FAT3: variants seen among roughly 807,000 people sequenced by gnomAD.
The protein encoded by FAT3 is FAT atypical cadherin 3.
In FAT3, 95 loss-of-function variants were observed where a neutral mutation model predicts 310.2. The observed-to-expected ratio is 0.31, with a 90% CI of 0.26 to 0.36. FAT3 has a LOEUF of 0.36. Among genes scored for constraint, FAT3 ranks in the 10% least tolerant of loss-of-function variants. The pLI is 1.00. For synonymous variants in FAT3, 2,314 were observed against 2,192.9 expected (o/e 1.06, Z -1.54); for missense variants, 5,408 against 5,715.6 (o/e 0.95, Z 1.74).
chr11:92,751,323 T>C (rs1232435438), intron 4 of FAT3, among the ~76,000 whole-genome samples: 1 of 152,112 alleles, frequency 6.6e-6, no homozygotes, highest in Non-Finnish European at 1.5e-5. Flanking sequence ...ATCCATGAGT[T>C]AATATTTGTT....
At chr11:92,409,242 T>TTCGTGTGTGTGTGTGTG (rs886647302) in intron 2 of FAT3, among the ~76,000 whole-genome samples, 3 of 150,996 alleles carry the variant, frequency 2.0e-5, no homozygotes, top group East Asian at 3.9e-4. Flanking sequence ...CAATGAAGCT[T>TTCGTGTGTGTGTGTGTG]TCGTGTGTGT....
chr11:92,338,977 AT>A (rs1337134777), intron 1 of FAT3, among the ~76,000 whole-genome samples: 2 of 152,322 alleles, frequency 1.3e-5, no homozygotes, highest in African/African-American at 4.8e-5. Context: ...CTGACCTTGC[AT>A]GGAACATGAT....
At chr11:92,829,602 A>T (rs905987346) in intron 13 of FAT3, among the ~76,000 whole-genome samples, 2 of 152,134 alleles carry the variant, frequency 1.3e-5, no homozygotes, top group African/African-American at 4.8e-5. Context: ...GAAGAATTTA[A>T]TCTTGCAGCC....
intron 1 of FAT3, among the ~76,000 whole-genome samples, chr11:92,343,577 C>T (rs1345557766): frequency 6.6e-6 from 1 of 152,084 alleles, no homozygotes; most frequent in East Asian, 1.9e-4. Context: ...GATTATTCAA[C>T]CTTGAGAAGA....
At chr11:92,755,037 G>A (rs1210166070) in intron 4 of FAT3, among the ~76,000 whole-genome samples, 1 of 152,148 alleles carries the variant, frequency 6.6e-6, no homozygotes, top group Non-Finnish European at 1.5e-5. Context: ...GAATAGAATA[G>A]TGGTTACTAG....
intron 1 of FAT3, among the ~76,000 whole-genome samples, chr11:92,280,861 C>T (rs1278420355): frequency 6.6e-6 from 1 of 152,148 alleles, no homozygotes; most frequent in Non-Finnish European, 1.5e-5. Context: ...TTTCTTGTGT[C>T]AACCCTGTTC....
intron 1 of FAT3, among the ~76,000 whole-genome samples, chr11:92,290,155 T>C (rs948046114): frequency 1.3e-5 from 2 of 152,126 alleles, no homozygotes; most frequent in African/African-American, 4.8e-5. Flanking sequence ...CCTTTCTCAA[T>C]GGGGCCTTAT....
chr11:92,443,564 C>T (rs573176384), intron 2 of FAT3, among the ~76,000 whole-genome samples: 10 of 152,232 alleles, frequency 6.6e-5, no homozygotes, highest in African/African-American at 2.4e-4. Flanking sequence ...TGAGAATTGT[C>T]CAGTTAATTT....
intron 3 of FAT3, among the ~76,000 whole-genome samples, chr11:92,621,618 C>T (rs1201015563): frequency 6.6e-6 from 1 of 152,156 alleles, no homozygotes; most frequent in South Asian, 2.1e-4. Context: ...CAGCTCATGG[C>T]CATCTTGTTT....
At chr11:92,794,581 G>A (rs1001520025) in intron 9 of FAT3, among the ~76,000 whole-genome samples, 6 of 152,116 alleles carry the variant, frequency 3.9e-5, no homozygotes, top group Non-Finnish European at 7.4e-5. Context: ...CCATCCAACC[G>A]AAAAGACTGC....
intron 1 of FAT3, among the ~76,000 whole-genome samples, chr11:92,329,418 C>T (rs950240258): frequency 2.6e-5 from 4 of 152,046 alleles, no homozygotes; most frequent in African/African-American, 9.7e-5. Flanking sequence ...GCTGACTTCC[C>T]TTCCCCTTCC....
intron 2 of FAT3, among the ~76,000 whole-genome samples, chr11:92,437,916 G>C (rs536011646): frequency 7.2e-6 from 1 of 139,122 alleles, no homozygotes; most frequent in Non-Finnish European, 1.5e-5. Context: ...CACAGTGACA[G>C]AGACAGAGAC....
At chr11:92,232,209 T>A (rs1000240083) in intron 1 of FAT3, among the ~76,000 whole-genome samples, 15 of 152,132 alleles carry the variant, frequency 9.9e-5, no homozygotes, top group Non-Finnish European at 1.6e-4. Context: ...CAGATGACTT[T>A]AACATCGCCC....
At chr11:92,631,993 C>T (rs1941575317) in intron 3 of FAT3, among the ~76,000 whole-genome samples, 1 of 152,162 alleles carries the variant, frequency 6.6e-6, no homozygotes, top group Admixed American at 6.5e-5. Context: ...TTTGTAGTTT[C>T]TTGGAGGAAA....
At chr11:92,591,252 T>G (rs1278758477) in intron 3 of FAT3, among the ~76,000 whole-genome samples, 2 of 152,142 alleles carry the variant, frequency 1.3e-5, no homozygotes, top group Non-Finnish European at 2.9e-5. Context: ...TAGGCTGAAG[T>G]TTAATATCCC....
chr11:92,705,558 TGA>T (rs2135931919), intron 4 of FAT3, among the ~76,000 whole-genome samples: 4 of 110,400 alleles, frequency 3.6e-5, no homozygotes, highest in South Asian at 3.3e-4. Context: ...GGTGGTGGTG[TGA>T]TGGTGGTGGT....
chr11:92,826,720 G>A (rs1212932448), intron 13 of FAT3, among the ~76,000 whole-genome samples: 1 of 152,198 alleles, frequency 6.6e-6, no homozygotes, highest in East Asian at 1.9e-4. Context: ...TTGCTCCTTT[G>A]AAGTTTAAAT....
intron 2 of FAT3, among the ~76,000 whole-genome samples, chr11:92,415,921 C>A (rs1950399922): frequency 7.7e-6 from 1 of 129,276 alleles, no homozygotes; most frequent in Non-Finnish European, 1.5e-5. Flanking sequence ...AACTTCTGGA[C>A]TTAATGGATG....
intron 4 of FAT3, among the ~76,000 whole-genome samples, chr11:92,733,387 T>G (rs1440715696): frequency 1.3e-5 from 2 of 152,110 alleles, no homozygotes; most frequent in Non-Finnish European, 2.9e-5. Context: ...TAGAATTTGG[T>G]GTCTTGGTGG....
Sources: gnomAD v4.1 joint callset for allele counts (sites outside exome capture counted in the v4.1 genomes callset) on GRCh38, gnomAD v4.1.1 for gene constraint, MANE v1.5 for transcripts, NCBI Gene and HGNC (gene_info 2026-07-23, HGNC 2026-07-21) for gene names.